Variants in NVL observed in about 807,000 individuals in gnomAD.
NVL encodes the protein nuclear valosin-containing protein-like.
In NVL, 84 loss-of-function variants were observed where a neutral mutation model predicts 110.2. The ratio of observed to expected loss-of-function variants is 0.76; its 90% CI spans 0.64 to 0.91. The LOEUF (loss-of-function observed/expected upper bound fraction) is 0.91, where lower values mean the gene tolerates loss of function less well. Ranked by LOEUF, NVL falls within the 40% of genes least tolerant of loss-of-function variation. The pLI is 0.00. For synonymous variants in NVL, 354 were observed against 361.1 expected, an observed-to-expected ratio of 0.98 and a Z score of 0.22; for missense variants, 882 against 1,035.9, an observed-to-expected ratio of 0.85 and a Z score of 2.04.
intron 22 of NVL, among the ~76,000 whole-genome samples, chr1:224,230,378 G>GTT (rs1659737636): frequency 6.6e-6 from 1 of 152,200 alleles, no homozygotes; most frequent in Admixed American, 6.5e-5. Context: ...GCCAAGGCGG[G>GTT]TGGATCACGA....
At chr1:224,320,646 C>T (rs1388529065) in intron 2 of NVL, among the ~76,000 whole-genome samples, 1 of 130,588 alleles carries the variant, frequency 7.7e-6, no homozygotes, top group Admixed American at 7.9e-5. Context: ...GACTCCATCT[C>T]AAAAAAAAAA....
intron 14 of NVL, among the ~76,000 whole-genome samples, chr1:224,287,004 TG>T (rs1666931355): frequency 6.6e-6 from 1 of 152,348 alleles, no homozygotes; most frequent in African/African-American, 2.4e-5. Context: ...TATAATTTTT[TG>T]TGGTTTAAAC....
intron 17 of NVL, among the ~76,000 whole-genome samples, chr1:224,269,059 T>C (rs1664782897): frequency 6.6e-6 from 1 of 151,702 alleles, no homozygotes; most frequent in Non-Finnish European, 1.5e-5. Context: ...AGTGGGAGGT[T>C]GTATACCAAC....
intron 6 of NVL, 28 bp from the exon 7 acceptor site, chr1:224,305,194 C>T (rs1409608883): frequency 6.3e-7 from 1 of 1,585,128 alleles, no homozygotes; most frequent in Middle Eastern, 1.7e-4. Context: ...TTAAATATGC[C>T]ATGCTTAAAA....
At chr1:224,234,703 A>T (rs898956115) in intron 20 of NVL, among the ~76,000 whole-genome samples, 9 of 152,154 alleles carry the variant, frequency 5.9e-5, no homozygotes, top group Admixed American at 1.3e-4. Context: ...ATTCCTTCCC[A>T]TACTATGAAA....
At chr1:224,298,026 TACTC>T in intron 10 of NVL, among the ~76,000 whole-genome samples, 2 of 132,710 alleles carry the variant, frequency 1.5e-5, no homozygotes, top group East Asian at 4.3e-4. Context: ...AACAGAGAGA[TACTC>T]CATCTCAAAA....
intron 9 of NVL, chr1:224,301,682 C>T (rs1365188125): frequency 5.6e-6 from 2 of 358,454 alleles, no homozygotes; most frequent in Admixed American, 7.4e-5. Flanking sequence ...TGCCTGCAGT[C>T]CCAGTTACCT....
chr1:224,281,055 T>C, intron 16 of NVL, 68 bp downstream of exon 16: 3 of 1,353,398 alleles, frequency 2.2e-6, no homozygotes, highest in Non-Finnish European at 3.2e-6. Flanking sequence ...TGAGAACATT[T>C]TACCCCGTAA....
At chr1:224,237,663 C>T (rs568432952) in intron 19 of NVL, among the ~76,000 whole-genome samples, 54 of 151,448 alleles carry the variant, frequency 3.6e-4, no homozygotes, top group Admixed American at 2.1e-3. Flanking sequence ...TTGACCTCCT[C>T]GGCACAAGAG....
In NVL at chr1:224,308,087, C is replaced by A; in HGVS notation, c.519G>T (p.Trp173Cys). 1 of 1,611,164 alleles carries A rather than the reference C, an allele frequency of 6.2e-7. No individual in the cohort carries two copies. The highest frequency in any genetic ancestry group is 8.5e-7 in the Non-Finnish European group (1 of 1,179,086). The change falls in exon 6 of 23, where the codon TGG (tryptophan) becomes TGT (cysteine). Residue 173 changes from tryptophan to cysteine, a missense_variant. Coordinates refer to ENST00000281701, the MANE Select transcript of NVL (RefSeq NM_002533.4). Reference sequence around the variant, plus strand: ...TTACACTTGGGGTTTTGTCAATAAACCATCCTCCTTCAGAATCTTTGGCAG... The same window carrying A: ...TTACACTTGGGGTTTTGTCAATAAAACATCCTCCTTCAGAATCTTTGGCAG... ...KTPAKDSEGG[W>C]FIDKTPSVKK...
At chr1:224,308,377 A>G (rs1669143438) in intron 5 of NVL, 114 bp from the exon 6 acceptor site, 1 of 911,062 alleles carries the variant, frequency 1.1e-6, no homozygotes, top group South Asian at 1.9e-5. Context: ...AACTTCTCTC[A>G]GAACATTTAT....
intron 1 of NVL, among the ~76,000 whole-genome samples, chr1:224,327,072 T>TA: frequency 6.6e-6 from 1 of 152,160 alleles, no homozygotes; most frequent in Admixed American, 6.5e-5. Flanking sequence ...AGCCCAGACT[T>TA]AGAGGTTGCA....
intron 5 of NVL, among the ~76,000 whole-genome samples, chr1:224,309,208 C>T (rs1336382889): frequency 3.9e-5 from 6 of 152,090 alleles, no homozygotes; most frequent in Non-Finnish European, 8.8e-5. Context: ...CAATGAGAGT[C>T]ACTGTTATTC....
intron 10 of NVL, 136 bp downstream of exon 10, chr1:224,300,426 T>C: frequency 1.8e-6 from 1 of 553,552 alleles, no homozygotes; most frequent in Non-Finnish European, 3.2e-6. Flanking sequence ...CCATCATGCA[T>C]AGCAAATTAC....
chr1:224,279,315 G>A (rs1666084815), intron 16 of NVL, among the ~76,000 whole-genome samples: 1 of 152,148 alleles, frequency 6.6e-6, no homozygotes, highest in Non-Finnish European at 1.5e-5. Context: ...ACTCACGCAT[G>A]TAATCCTAGC....
At chr1:224,288,319 T>A (rs1045764563) in intron 13 of NVL, among the ~76,000 whole-genome samples, 1 of 152,334 alleles carries the variant, frequency 6.6e-6, no homozygotes, top group East Asian at 1.9e-4. Flanking sequence ...GTTTCATTTA[T>A]AAATATTCAA....
At chr1:224,251,026 C>A (rs1407741840) in intron 18 of NVL, among the ~76,000 whole-genome samples, 1 of 151,958 alleles carries the variant, frequency 6.6e-6, no homozygotes. Context: ...GTAATCCCAG[C>A]ACTTTGGGAG....
Position 224,310,468 on chromosome 1 carries a change from T to C in NVL, c.342+1332A>G, listed in dbSNP as rs114646327. ...AATGCCATCTCCTTGACAAAAAGTA[T>C]ATCCCTTTTTCCATTTTTACTATTA... On this transcript the variant is annotated intron_variant, in intron 5 of 22. Transcript: ENST00000281701. 6.3e-3 allele frequency among the ~76,000 whole-genome samples: 954 copies of C among 152,256 alleles called. 6 individuals are homozygous for C. The highest frequency in any genetic ancestry group is 0.021 in the African/African-American group (893 of 41,542).
At chr1:224,279,855 T>C (rs1429581221) in intron 16 of NVL, among the ~76,000 whole-genome samples, 2 of 152,172 alleles carry the variant, frequency 1.3e-5, no homozygotes, top group African/African-American at 4.8e-5. Flanking sequence ...AAAAATTACA[T>C]TAAAAATTTT....
Sources: allele counts gnomAD v4.1 joint callset (sites outside exome capture counted in the v4.1 genomes callset), GRCh38; gene constraint gnomAD v4.1.1; transcripts MANE v1.5; gene names NCBI Gene and HGNC (gene_info 2026-07-23, HGNC 2026-07-21).